The following ANKRD1 variants were observed in gnomAD, a reference collection of about 807,000 sequenced individuals.
The protein encoded by ANKRD1 is ankyrin repeat domain 1.
Under a neutral mutation model 40.1 loss-of-function variants are expected in ANKRD1, and 32 were observed. That is an observed-to-expected ratio of 0.80 (90% CI 0.60 to 1.07). The LOEUF (loss-of-function observed/expected upper bound fraction) is 1.07. ANKRD1 is among the 50% of genes least tolerant of loss of function. ANKRD1 has a pLI of 0.00. For missense variants in ANKRD1, 359 were observed against 386.0 expected (o/e 0.93, Z 0.59); for synonymous variants, 149 against 141.2 (o/e 1.06, Z -0.39).
In ANKRD1 at chr10:90,917,739, C is replaced by T. The variant is rs530739375; in HGVS notation, c.545G>A (p.Arg182His). Residue 182 changes from arginine (R) to histidine (H), a missense_variant, in exon 5 of 9, where the codon CGT (arginine) becomes CAT (histidine). Arg to His is a conservative substitution (Grantham distance 29). Coordinates refer to ENST00000371697, the MANE Select transcript of ANKRD1 (RefSeq NM_014391.3). ...LMEAGAQIEF[R>H]DMLESTAIHW... Reference sequence around the variant, plus strand: ...GCAAAGAAATATATTTACCATATCACGGAATTCGATCTGGGCTCCAGCTTC... The same window carrying T: ...GCAAAGAAATATATTTACCATATCATGGAATTCGATCTGGGCTCCAGCTTC... The T allele has an allele frequency of 5.1e-5, 83 of 1,613,444 alleles. No individual in the cohort carries two copies. The East Asian group carries it at 1.7e-3, about 33-fold the overall frequency.
intron 5 of ANKRD1, 90 bp downstream of exon 5, chr10:90,917,642 C>G: frequency 9.0e-7 from 1 of 1,110,896 alleles, no homozygotes; most frequent in Non-Finnish European, 1.4e-6. Flanking sequence ...AATTTTCAAT[C>G]CAATCAGCTC....
intron 8 of ANKRD1, among the ~76,000 whole-genome samples, chr10:90,913,455 A>G (rs906047108): frequency 2.0e-5 from 3 of 152,170 alleles, no homozygotes; most frequent in African/African-American, 7.2e-5. Context: ...CTTGGGTACT[A>G]TTACTGTTCC....
rs186642165 is a variant in ANKRD1 at position 90,920,390 on chromosome 10, G to A, written c.28-42C>T. 80 of 1,608,724 alleles carry A rather than the reference G, an allele frequency of 5.0e-5. No homozygotes were observed. The East Asian group carries it at 1.3e-3, about 26-fold the overall frequency. On this transcript the variant is annotated intron_variant, in intron 1 of 8. Transcript: ENST00000371697. ...TGGCAGCGTCAGAAGCAGCAGCCTC[G>A]TCCTGGGTCATTCTTCACAGACAAT... is the stretch of plus-strand genomic sequence containing the variant.
chr10:90,918,804 T>C, intron 4 of ANKRD1, 61 bp downstream of exon 4: 1 of 1,336,088 alleles, frequency 7.5e-7, no homozygotes, highest in Non-Finnish European at 1.1e-6. Flanking sequence ...AAGACTGGAG[T>C]AAAGCATAAG....
At chr10:90,915,211 A>G (rs1232128032) in intron 8 of ANKRD1, among the ~76,000 whole-genome samples, 1 of 152,206 alleles carries the variant, frequency 6.6e-6, no homozygotes, top group African/African-American at 2.4e-5. Context: ...CCTTGCACAG[A>G]CAGAAATGGC....
chr10:90,916,670 A>G (rs1847377226), intron 5 of ANKRD1, among the ~76,000 whole-genome samples: 1 of 152,210 alleles, frequency 6.6e-6, no homozygotes, highest in African/African-American at 2.4e-5. Flanking sequence ...AGGAAACACA[A>G]CTAATAAGAG....
At chr10:90,919,107 G>A (rs757618965) in intron 3 of ANKRD1, 24 bp downstream of exon 3, 3 of 1,611,032 alleles carry the variant, frequency 1.9e-6, no homozygotes, top group Admixed American at 1.7e-5. Context: ...ATGTATTACT[G>A]GAAACCAAAA....
At position 90,918,923 on chromosome 10, in the gene ANKRD1, T is replaced by A; in HGVS notation, c.395A>T (p.Lys132Ile). 3.1e-6 allele frequency: 5 copies of A among 1,611,388 alleles called. No homozygotes were observed. The highest frequency in any genetic ancestry group is 4.2e-6 in the Non-Finnish European group (5 of 1,179,626). ...PTFLKAALEN[K>I]LPVVEKFLSD... ...CAAGAATTTTTCTACTACTGGCAGT[T>A]TATTCTCCAGAGCAGCCTTCAGAAA... Residue 132 changes from lysine (K) to isoleucine (I), a missense_variant, in exon 4 of 9, where the codon AAA becomes ATA. Lys to Ile is a moderately radical substitution (Grantham distance 102). Transcript: ENST00000371697.
chr10:90,914,475 G>T (rs1368019902), intron 8 of ANKRD1, among the ~76,000 whole-genome samples: 3 of 152,000 alleles, frequency 2.0e-5, no homozygotes, highest in Non-Finnish European at 4.4e-5. Context: ...CAGCTTTCAA[G>T]ATTTCATTTA....
intron 1 of ANKRD1, 122 bp downstream of exon 1, chr10:90,920,879 T>A: frequency 1.1e-6 from 1 of 937,634 alleles, no homozygotes. Flanking sequence ...TCAACCTTTT[T>A]CCATATATGA....
intron 1 of ANKRD1, among the ~76,000 whole-genome samples, chr10:90,920,579 AT>A (rs146510401): frequency 6.6e-6 from 1 of 152,330 alleles, no homozygotes; most frequent in African/African-American, 2.4e-5. Flanking sequence ...AGGTTGACAG[AT>A]TAAATCTACT....
At chr10:90,918,242 T>C (rs1161660169) in intron 4 of ANKRD1, among the ~76,000 whole-genome samples, 1 of 152,202 alleles carries the variant, frequency 6.6e-6, no homozygotes, top group Non-Finnish European at 1.5e-5. Context: ...GGGAGACATG[T>C]TTTTAGTTCA....
intron 3 of ANKRD1, 71 bp from the exon 4 acceptor site, chr10:90,919,043 G>A: frequency 1.3e-6 from 2 of 1,571,588 alleles, no homozygotes; most frequent in Middle Eastern, 1.7e-4. Flanking sequence ...GAGCTTGCCA[G>A]CATTCAATCA....
chr10:90,913,978 C>A (rs1182863134), intron 8 of ANKRD1, among the ~76,000 whole-genome samples: 1 of 152,158 alleles, frequency 6.6e-6, no homozygotes, highest in Admixed American at 6.5e-5. Context: ...ACATTGAAGT[C>A]ACTTAGGCCA....
chr10:90,913,182 C>A (rs1847335863), intron 8 of ANKRD1, among the ~76,000 whole-genome samples: 1 of 152,192 alleles, frequency 6.6e-6, no homozygotes, highest in Admixed American at 6.5e-5. Context: ...GAGCAAAAAT[C>A]TTTTTCACGT....
intron 1 of ANKRD1, 145 bp from the exon 2 acceptor site, chr10:90,920,493 T>C (rs896785847): frequency 1.2e-6 from 1 of 832,492 alleles, no homozygotes. Flanking sequence ...CAAGCTGCGA[T>C]GCACACTGCT....
intron 8 of ANKRD1, 111 bp downstream of exon 8, chr10:90,915,432 C>T: frequency 1.1e-6 from 1 of 921,658 alleles, no homozygotes; most frequent in Non-Finnish European, 1.7e-6. Flanking sequence ...GGCATTTAGA[C>T]CATCGAAGAC....
chr10:90,918,079 A>C (rs1847391964), intron 4 of ANKRD1, among the ~76,000 whole-genome samples: 1 of 152,236 alleles, frequency 6.6e-6, no homozygotes, highest in East Asian at 1.9e-4. Flanking sequence ...GTGTGAACTT[A>C]AAGGCTCAAA....
chr10:90,919,090 A>ACTGGACAT, intron 3 of ANKRD1, 41 bp downstream of exon 3: 2 of 1,610,914 alleles, frequency 1.2e-6, no homozygotes, highest in Admixed American at 3.3e-5. Context: ...GTAGCACAAC[A>ACTGGACAT]CTGGACATGT....
Sources: allele counts gnomAD v4.1 joint callset (sites outside exome capture counted in the v4.1 genomes callset), GRCh38; gene constraint gnomAD v4.1.1; transcripts MANE v1.5; gene names NCBI Gene and HGNC (gene_info 2026-07-23, HGNC 2026-07-21).